The following TNIP2 variants were observed in gnomAD, a reference collection of about 807,000 sequenced individuals.
TNIP2 encodes the protein TNFAIP3-interacting protein 2.
In TNIP2, 30 loss-of-function variants were observed where a neutral mutation model predicts 43.7. The observed-to-expected ratio is 0.69, with a 90% CI of 0.51 to 0.93. The LOEUF is 0.93. TNIP2 is among the 40% of genes least tolerant of loss of function. The pLI, the probability that TNIP2 is intolerant of heterozygous loss-of-function variation, is 0.00. For missense variants in TNIP2, 599 were observed against 591.0 expected (o/e 1.01, Z -0.14); for synonymous variants, 260 against 254.6 (o/e 1.02, Z -0.20).
chr4:2,747,495 A>G, intron 2 of TNIP2, 160 bp downstream of exon 2: 1 of 740,636 alleles, frequency 1.4e-6, no homozygotes, highest in Middle Eastern at 4.0e-4. Flanking sequence ...ATTTTAAAAG[A>G]AACCCTTGGA....
chr4:2,745,313 C>G (rs1326311905), intron 3 of TNIP2, 133 bp downstream of exon 3: 3 of 714,240 alleles, frequency 4.2e-6, no homozygotes, highest in African/African-American at 1.7e-5. Flanking sequence ...AGTCCAGTCT[C>G]TAGGGACTGT....
rs150158918 is a variant in TNIP2 at position 2,745,039 on chromosome 4, G to A, written c.658-94C>T. On this transcript the variant is annotated intron_variant, in intron 3 of 5. Transcript: ENST00000315423. ...GTGAATTATGTATTAGCAGTGATTC[G>A]CTGAGTGAGAGTTTCCTCTTAAATG... 6.4e-5 allele frequency: 94 copies of A among 1,461,674 alleles called. 1 individual carries two copies. The African/African-American group carries it at 8.6e-4, about 13-fold the overall frequency. The allele number at this position is 1,461,674 out of a possible 1,614,324, so 90.5% of individuals were successfully genotyped here. A position where few individuals can be genotyped will look rare whatever the true frequency, so the allele number is the denominator to read the frequency against.
At chr4:2,747,138 A>C (rs962577864) in intron 2 of TNIP2, among the ~76,000 whole-genome samples, 1 of 152,224 alleles carries the variant, frequency 6.6e-6, no homozygotes, top group Admixed American at 6.5e-5. Flanking sequence ...GACATGCCTA[A>C]AGCCAGCTTT....
At chr4:2,746,947 C>T (rs1368279925) in intron 2 of TNIP2, among the ~76,000 whole-genome samples, 2 of 152,248 alleles carry the variant, frequency 1.3e-5, no homozygotes, top group African/African-American at 4.8e-5. Context: ...GTCCTTCTCT[C>T]TCCCACTAGA....
Position 2,756,209 on chromosome 4 carries a change from G to T in TNIP2, c.81C>A (p.Ala27=). The T allele has an allele frequency of 2.0e-6, 3 of 1,473,990 alleles. No individual in the cohort carries two copies. Among genetic ancestry groups the T allele is most frequent in the Non-Finnish European group, 2.7e-6 (3 of 1,120,704 alleles). 91.3% of individuals were successfully genotyped at this position (1,473,990 alleles called of 1,614,324 possible). ...AAALCTLYHE[A]GQRLRRLQDQ... The stretch of plus-strand genomic sequence containing the variant: ...CCTGCAGGCGGCGCAGCCGCTGTCC[G>T]GCCTCGTGGTACAGGGTGCAGAGCG... Residue 27 remains alanine, a synonymous_variant, in exon 1 of 6, where the codon GCC becomes GCA. Coordinates refer to ENST00000315423, the MANE Select transcript of TNIP2 (RefSeq NM_024309.4).
intron 1 of TNIP2, among the ~76,000 whole-genome samples, chr4:2,754,286 C>T (rs1722170781): frequency 6.6e-6 from 1 of 152,246 alleles, no homozygotes; most frequent in African/African-American, 2.4e-5. Flanking sequence ...CCGAATGTTT[C>T]AGATGCTTGC....
intron 1 of TNIP2, among the ~76,000 whole-genome samples, chr4:2,750,607 A>C (rs1337826994): frequency 2.0e-5 from 3 of 151,372 alleles, no homozygotes; most frequent in African/African-American, 2.4e-5. Context: ...TGACGGTGCC[A>C]CTGCACTCTA....
Position 2,741,763 on chromosome 4 carries a change from G to A in TNIP2, c.*494C>T, listed in dbSNP as rs1193030205. On this transcript the variant is annotated 3_prime_UTR_variant, in exon 6 of 6. Transcript: ENST00000315423. ...AATGCTACTGAAATGCAGTTTCTCAGTGCAGACATGTGGCTCGCAATGGCG... is the reference window on the plus strand; with the variant it reads ...AATGCTACTGAAATGCAGTTTCTCAATGCAGACATGTGGCTCGCAATGGCG... The A allele has an allele frequency of 6.5e-6, 1 of 154,436 alleles. No homozygotes were observed. Among genetic ancestry groups the A allele is most frequent in the Non-Finnish European group, 1.4e-5 (1 of 69,670 alleles). The allele number at this position is 154,436 out of a possible 1,614,324, so 9.6% of individuals were successfully genotyped here. A position where few individuals can be genotyped will look rare whatever the true frequency, so the allele number is the denominator to read the frequency against.
chr4:2,745,752 T>A (rs1274600813), intron 2 of TNIP2, among the ~76,000 whole-genome samples: 1 of 152,074 alleles, frequency 6.6e-6, no homozygotes, highest in East Asian at 1.9e-4. Flanking sequence ...GGATGGGAGG[T>A]CTTCAGGCCA....
chr4:2,744,915 A>G lies in TNIP2; in HGVS notation c.688T>C (p.Tyr230His). The change falls in exon 4 of 6, where the codon TAC (tyrosine) becomes CAC (histidine). Residue 230 changes from tyrosine to histidine, a missense_variant. Coordinates refer to ENST00000315423, the MANE Select transcript of TNIP2 (RefSeq NM_024309.4). The surrounding 1 kb of genome is among the most constrained non-coding windows in gnomAD (Gnocchi z 5.1). ...ACGTATTCGTCCCTGCTGGCGTTGT[A>G]GCGCTGCCACTTGGCATTGAGGTCT... ...VEDLNAKWQRYNASRDEYVRG... is the reference protein window; with the variant it reads ...VEDLNAKWQRHNASRDEYVRG... The G allele has an allele frequency of 6.2e-7, 1 of 1,609,368 alleles. No homozygotes were observed. Among genetic ancestry groups the G allele is most frequent in the Non-Finnish European group, 8.5e-7 (1 of 1,176,260 alleles).
At position 2,744,728 on chromosome 4, in the gene TNIP2, G is replaced by A. The variant is rs1721892841; in HGVS notation, c.875C>T (p.Ala292Val). ...LAASRTARDA[A>V]LERVQMLEQQ... Reference sequence around the variant, plus strand: ...TTCCAGCATCTGCACCCGCTCCAACGCAGCATCCCGGGCCGTCCTGGAGGC... The same window carrying A: ...TTCCAGCATCTGCACCCGCTCCAACACAGCATCCCGGGCCGTCCTGGAGGC... The change falls in exon 4 of 6, where the codon GCG (alanine) becomes GTG (valine). Residue 292 changes from alanine (A) to valine (V), a missense_variant. Ala to Val is a moderately conservative substitution (Grantham distance 64, BLOSUM62 0). Transcript: ENST00000315423. This position sits in a 1 kb window ranked among gnomAD's most constrained non-coding sequence, Gnocchi z 5.1. The A allele has an allele frequency of 3.1e-6, 5 of 1,605,652 alleles. No homozygotes were observed. The highest frequency in any genetic ancestry group is 3.4e-6 in the Non-Finnish European group (4 of 1,179,944).
At chr4:2,755,830 AC>A (rs1722221934) in intron 1 of TNIP2, 183 bp downstream of exon 1, 1 of 213,060 alleles carries the variant, frequency 4.7e-6, no homozygotes, top group Non-Finnish European at 6.2e-6. Flanking sequence ...AGGACCCGGC[AC>A]CCCCTCAACT....
chr4:2,744,558 A>T lies in TNIP2; in HGVS notation c.907-52T>A, dbSNP rs13145281. On this transcript the variant is annotated intron_variant, in intron 4 of 5. Coordinates refer to ENST00000315423, the MANE Select transcript of TNIP2 (RefSeq NM_024309.4). This position sits in a 1 kb window ranked among gnomAD's most constrained non-coding sequence, Gnocchi z 5.1. Reference sequence around the variant, plus strand: ...TGCTCAAGGAAGGAGGAAGCGCCCCACCAGGCTTCTCCCACCCCCACAGTG... The same window carrying T: ...TGCTCAAGGAAGGAGGAAGCGCCCCTCCAGGCTTCTCCCACCCCCACAGTG... 1 of 1,610,156 alleles carries T rather than the reference A, an allele frequency of 6.2e-7. No homozygotes were observed. Among genetic ancestry groups the T allele is most frequent in the Non-Finnish European group, 8.5e-7 (1 of 1,178,234 alleles).
chr4:2,743,897 AC>A (rs1268047911), intron 5 of TNIP2, among the ~76,000 whole-genome samples: 2 of 152,250 alleles, frequency 1.3e-5, no homozygotes, highest in Non-Finnish European at 2.9e-5. Flanking sequence ...CCCTCAAGGC[AC>A]CCCATGGTAG....
At chr4:2,753,428 A>G (rs1045878183) in intron 1 of TNIP2, among the ~76,000 whole-genome samples, 2 of 152,200 alleles carry the variant, frequency 1.3e-5, no homozygotes, top group Non-Finnish European at 2.9e-5. Flanking sequence ...TAACAGAGTG[A>G]GACCCTGTCT....
chr4:2,751,258 G>A (rs1305451225), intron 1 of TNIP2, among the ~76,000 whole-genome samples: 2 of 152,218 alleles, frequency 1.3e-5, no homozygotes, highest in African/African-American at 4.8e-5. Context: ...GTACGAGCTG[G>A]AGTTGTGGGT....
At chr4:2,745,338 A>G (rs968929969) in intron 3 of TNIP2, 108 bp downstream of exon 3, 51 of 814,950 alleles carry the variant, frequency 6.3e-5, no homozygotes, top group Non-Finnish European at 1.0e-4. Context: ...ATCAAGTCCT[A>G]GTGGCCAGAG....
chr4:2,752,877 C>G (rs1157825661), intron 1 of TNIP2, among the ~76,000 whole-genome samples: 1 of 152,106 alleles, frequency 6.6e-6, no homozygotes, highest in Middle Eastern at 3.2e-3. Context: ...GACCCCTTCT[C>G]TACAAAAACT....
In TNIP2 at chr4:2,747,822, C is replaced by A. The variant is rs1462699774; in HGVS notation, c.400G>T (p.Glu134Ter). The A allele has an allele frequency of 1.9e-6, 3 of 1,613,492 alleles. No individual in the cohort carries two copies. Among genetic ancestry groups the A allele is most frequent in the Non-Finnish European group, 1.7e-6 (2 of 1,180,038 alleles). Reference sequence around the variant, plus strand: ...ACGTCACTGGCGGCCCGGGCGCGCTCCCCTTCTGCCATGCTCCTCCGTAGC... The same window carrying A: ...ACGTCACTGGCGGCCCGGGCGCGCTACCCTTCTGCCATGCTCCTCCGTAGC... ...VLLRRSMAEG[E>*]RARAASDVLC... Residue 134 changes from glutamate to a stop codon, truncating the protein, a stop_gained, in exon 2 of 6, where the codon GAG (glutamate) becomes TAG (stop). Coordinates refer to ENST00000315423, the MANE Select transcript of TNIP2 (RefSeq NM_024309.4). LOFTEE classifies it high-confidence loss of function.
Sources: allele counts gnomAD v4.1 joint callset (sites outside exome capture counted in the v4.1 genomes callset), GRCh38; gene constraint gnomAD v4.1.1; non-coding constraint Gnocchi (gnomAD v3.1); transcripts MANE v1.5; gene names NCBI Gene and HGNC (gene_info 2026-07-23, HGNC 2026-07-21).